The following SLC2A14 variants were observed in gnomAD, a reference collection of about 807,000 sequenced individuals.
SLC2A14 encodes the protein solute carrier family 2, facilitated glucose transporter member 14.
A neutral mutation model predicts 43.0 loss-of-function variants in SLC2A14; 13 were observed. The observed-to-expected ratio is 0.30, with a 90% confidence interval of 0.20 to 0.48. The LOEUF is 0.48. Ranked by LOEUF, SLC2A14 falls within the 20% of genes least tolerant of loss-of-function variation. The pLI is 0.99. For synonymous variants in SLC2A14, 190 were observed against 233.8 expected (o/e 0.81, Z 1.71); for missense variants, 428 against 620.4 (o/e 0.69, Z 3.29).
chr12:7,870,797 T>C (rs1188974754), intron 1 of SLC2A14: 2 of 1,005,080 alleles, frequency 2.0e-6, no homozygotes, highest in African/African-American at 3.4e-5. Context: ...AGTAAAGTAG[T>C]ATGGTCAGCC....
intron 2 of SLC2A14, among the ~76,000 whole-genome samples, chr12:7,841,076 G>A (rs755774026): frequency 2.6e-5 from 4 of 152,218 alleles, no homozygotes; most frequent in South Asian, 2.1e-4. Context: ...GTGGTGAAGC[G>A]GATGGAGAGA....
intron 1 of SLC2A14, among the ~76,000 whole-genome samples, chr12:7,888,601 C>T (rs753917943): frequency 3.3e-5 from 5 of 151,814 alleles, no homozygotes; most frequent in Non-Finnish European, 7.4e-5. Flanking sequence ...AGATCGAGAC[C>T]ATCCTGGCCA....
chr12:7,826,860 T>TCCTTCCTTCCTTCC (rs377050811), intron 7 of SLC2A14, among the ~76,000 whole-genome samples: 16 of 71,436 alleles, frequency 2.2e-4, no homozygotes, highest in South Asian at 1.2e-3. Context: ...CTTCCTTTCT[T>TCCTTCCTTCCTTCC]TTTTCTTTCT....
At position 7,821,424 on chromosome 12, in the gene SLC2A14, T is replaced by C. The variant is rs190929286; in HGVS notation, c.865-99A>G. 1.5e-5 allele frequency: 16 copies of C among 1,054,868 alleles called. No homozygotes were observed. In the East Asian group the frequency reaches 3.8e-4, roughly 25 times the overall value. The allele number at this position is 1,054,868 out of a possible 1,614,324, so 65.3% of individuals were successfully genotyped here. A position where few individuals can be genotyped will look rare whatever the true frequency, so the allele number is the denominator to read the frequency against. ...AAGGCTGAGCGTGGTTGCACAGGCC[T>C]GTAATCCCAGCACTTTGGGAGGCCA... is the stretch of plus-strand genomic sequence containing the variant. On this transcript the variant is annotated intron_variant, in intron 7 of 10. Transcript: ENST00000431042.
At chr12:7,878,208 G>A (rs147064948), upstream of SLC2A14, among the ~76,000 whole-genome samples, 45 of 152,070 alleles carry the variant, frequency 3.0e-4, no homozygotes, top group African/African-American at 8.4e-4. Flanking sequence ...CAGCCACCAC[G>A]CCTGGCTAAG....
chr12:7,843,979 T>G (rs1451971288), intron 2 of SLC2A14, among the ~76,000 whole-genome samples: 1 of 151,408 alleles, frequency 6.6e-6, no homozygotes, highest in Admixed American at 6.6e-5. Context: ...TTTTATTTTT[T>G]TCTACTTTAC....
At chr12:7,835,648 CAT>C (rs1375950563) in intron 2 of SLC2A14, among the ~76,000 whole-genome samples, 1 of 152,106 alleles carries the variant, frequency 6.6e-6, no homozygotes, top group African/African-American at 2.4e-5. Context: ...GGAAAACAAA[CAT>C]AAAATCTAAA....
chr12:7,882,070 C>T (rs986279641), intron 1 of SLC2A14, among the ~76,000 whole-genome samples: 2 of 152,052 alleles, frequency 1.3e-5, no homozygotes, highest in African/African-American at 4.8e-5. Context: ...AACATGTTGG[C>T]CTCCCTTTCT....
rs1555121889 is a variant in SLC2A14, at chr12:7,826,911, T to TTCTTTC, written c.864+583_864+584insGAAAGA. ...TTTCTTTCTTTCTTTCTTTCTTTCT[T>TTCTTTC]TCTTTTTCCTTTTTCTTTCCTTTCC... On this transcript the variant is annotated intron_variant, in intron 7 of 10. Coordinates refer to ENST00000431042, the MANE Select transcript of SLC2A14 (RefSeq NM_001286234.2). Among the ~76,000 whole-genome samples, 15 of 126,380 alleles carry TTCTTTC rather than the reference T, an allele frequency of 1.2e-4. 1 individual carries two copies. The highest frequency in any genetic ancestry group is 2.3e-4 in the Non-Finnish European group (13 of 57,536). The allele number at this position is 126,380 out of a possible 152,430, so 82.9% of individuals were successfully genotyped here. A position where few individuals can be genotyped will look rare whatever the true frequency, so the allele number is the denominator to read the frequency against.
chr12:7,838,302 G>T (rs1430919753), intron 2 of SLC2A14, among the ~76,000 whole-genome samples: 2 of 149,470 alleles, frequency 1.3e-5, no homozygotes, highest in African/African-American at 4.9e-5. Context: ...TGGCCAGGCT[G>T]GTCTTGAACT....
At chr12:7,833,317 T>C (rs1209836873) in intron 2 of SLC2A14, among the ~76,000 whole-genome samples, 1 of 152,002 alleles carries the variant, frequency 6.6e-6, no homozygotes, top group African/African-American at 2.4e-5. Flanking sequence ...GCTCTTTGAG[T>C]CTCTTATCTC....
At chr12:7,820,555 T>C (rs1252393543) in intron 8 of SLC2A14, among the ~76,000 whole-genome samples, 2 of 152,176 alleles carry the variant, frequency 1.3e-5, no homozygotes, top group African/African-American at 2.4e-5. Context: ...GCTTACTTGA[T>C]GGGGACAAAT....
rs1201235087 is a variant in SLC2A14, at chr12:7,827,292, T to A, written c.864+203A>T. 1.6e-3 allele frequency among the ~76,000 whole-genome samples: 197 copies of A among 121,282 alleles called. 2 individuals are homozygous for A. Among genetic ancestry groups the A allele is most frequent in the African/African-American group, 5.2e-3 (181 of 34,862 alleles). 79.6% of individuals were successfully genotyped at this position (121,282 alleles called of 152,430 possible). On this transcript the variant is annotated intron_variant, in intron 7 of 10. Transcript: ENST00000431042. ...TGTCTTTTTTTTTTTTTTTTTTTTT[T>A]AGACGAAGTTTCTCACTCTGTCACC...
At chr12:7,815,349 G>A (rs911972536) in intron 10 of SLC2A14, among the ~76,000 whole-genome samples, 2 of 152,072 alleles carry the variant, frequency 1.3e-5, no homozygotes, top group African/African-American at 2.4e-5. Context: ...CCAGGAGGCA[G>A]AGGTTGCAGT....
intron 1 of SLC2A14, among the ~76,000 whole-genome samples, chr12:7,890,195 G>A (rs963481211): frequency 5.3e-5 from 8 of 151,996 alleles, no homozygotes; most frequent in Non-Finnish European, 1.0e-4. Context: ...AGATGGAGTC[G>A]TTCTGGTTCA....
chr12:7,865,220 A>G (rs1944840461), intron 2 of SLC2A14, among the ~76,000 whole-genome samples: 1 of 152,102 alleles, frequency 6.6e-6, no homozygotes, highest in Non-Finnish European at 1.5e-5. Context: ...AACCATACCT[A>G]TATAAGACAA....
chr12:7,879,315 A>AAAAAAG (rs59059562), intron 1 of SLC2A14, among the ~76,000 whole-genome samples: 6 of 49,436 alleles, frequency 1.2e-4, no homozygotes, highest in Admixed American at 1.0e-3. Flanking sequence ...CTCTGCAAAA[A>AAAAAAG]AAAACAAACA....
chr12:7,820,859 G>T (rs111478860), intron 8 of SLC2A14, among the ~76,000 whole-genome samples: 1,862 of 152,202 alleles, frequency 0.012, 42 homozygotes, highest in African/African-American at 0.041. Context: ...GGCCTAGGCA[G>T]GTGGATCACC....
chr12:7,876,292 A>C (rs1945463272), upstream of SLC2A14, among the ~76,000 whole-genome samples: 1 of 149,994 alleles, frequency 6.7e-6, no homozygotes, highest in African/African-American at 2.4e-5. Context: ...AAAAAAAAAA[A>C]AAAAAAAAAA....
Sources: allele counts gnomAD v4.1 joint callset (sites outside exome capture counted in the v4.1 genomes callset), GRCh38; gene constraint gnomAD v4.1.1; transcripts MANE v1.5; gene names NCBI Gene and HGNC (gene_info 2026-07-23, HGNC 2026-07-21).